Variants in CRB1 observed in about 807,000 individuals in gnomAD.
CRB1 encodes protein crumbs homolog 1.
CRB1 carries 83 observed loss-of-function variants against 120.0 expected under a neutral mutation model. That is an observed-to-expected ratio of 0.69 (90% confidence interval 0.58 to 0.83). The LOEUF (loss-of-function observed/expected upper bound fraction) is 0.83, where lower values mean the gene tolerates loss of function less well. CRB1 is among the 40% of genes least tolerant of loss of function. CRB1 has a pLI of 0.00. For synonymous variants in CRB1, 625 were observed against 612.5 expected, an observed-to-expected ratio of 1.02 and a Z score of -0.30; for missense variants, 1,699 against 1,687.6, an observed-to-expected ratio of 1.01 and a Z score of -0.12.
intron 11 of CRB1, among the ~76,000 whole-genome samples, chr1:197,470,637 T>C (rs1666941340): frequency 6.6e-6 from 1 of 152,246 alleles, no homozygotes; most frequent in Non-Finnish European, 1.5e-5. Flanking sequence ...GAGAAAAATA[T>C]GAAAGCAATG....
At chr1:197,477,420 C>T (rs1053091805) in intron 11 of CRB1, 2 of 562,898 alleles carry the variant, frequency 3.6e-6, no homozygotes, top group Admixed American at 2.4e-5. Context: ...AGAGACTGAG[C>T]AAATATAGTA....
intron 1 of CRB1, among the ~76,000 whole-genome samples, chr1:197,300,375 T>TA (rs1656794389): frequency 6.6e-6 from 1 of 152,032 alleles, no homozygotes; most frequent in South Asian, 2.1e-4. Flanking sequence ...ACACAAATGG[T>TA]AAAAAAGTGA....
the CRB1 span, among the ~76,000 whole-genome samples, chr1:197,250,450 T>C: frequency 6.6e-6 from 1 of 152,146 alleles, no homozygotes; most frequent in Admixed American, 6.6e-5. Context: ...CAACAAACTT[T>C]ACGATTAGAT....
the CRB1 span, among the ~76,000 whole-genome samples, chr1:197,221,908 T>G: frequency 6.6e-6 from 1 of 152,152 alleles, no homozygotes; most frequent in Non-Finnish European, 1.5e-5. Flanking sequence ...TATTTAACCA[T>G]TTTTTTAAAT....
chr1:197,215,658 A>T, the CRB1 span, among the ~76,000 whole-genome samples: 1 of 152,074 alleles, frequency 6.6e-6, no homozygotes, highest in African/African-American at 2.4e-5. Flanking sequence ...TGATGATTTT[A>T]TAAGGGACTT....
At chr1:197,256,285 T>C in the CRB1 span, among the ~76,000 whole-genome samples, 1 of 151,736 alleles carries the variant, frequency 6.6e-6, no homozygotes, top group South Asian at 2.1e-4. Flanking sequence ...TTTTTCTTGG[T>C]CTTGTTCTTT....
chr1:197,288,881 G>A (rs533794904), intron 1 of CRB1, among the ~76,000 whole-genome samples: 2 of 151,498 alleles, frequency 1.3e-5, no homozygotes, highest in South Asian at 2.1e-4. Context: ...TGCAAAATTG[G>A]ACTCCCTGAA....
chr1:197,396,784 TC>T (rs1374078646), intron 5 of CRB1, among the ~76,000 whole-genome samples: 1 of 152,136 alleles, frequency 6.6e-6, no homozygotes, highest in Non-Finnish European at 1.5e-5. Context: ...GAACTTCAAC[TC>T]AAATTTTATA....
At chr1:197,239,469 G>A in the CRB1 span, among the ~76,000 whole-genome samples, 3 of 151,900 alleles carry the variant, frequency 2.0e-5, no homozygotes, top group Non-Finnish European at 4.4e-5. Context: ...TTTCAGTCTG[G>A]TAATTTTCTT....
At chr1:197,384,987 G>T (rs766897685) in intron 5 of CRB1, among the ~76,000 whole-genome samples, 2 of 152,150 alleles carry the variant, frequency 1.3e-5, no homozygotes, top group Non-Finnish European at 2.9e-5. Flanking sequence ...GCACTTCAGA[G>T]GATAAGCAGA....
At chr1:197,316,467 G>C (rs1432659860) in intron 1 of CRB1, among the ~76,000 whole-genome samples, 2 of 152,302 alleles carry the variant, frequency 1.3e-5, no homozygotes, top group Admixed American at 1.3e-4. Flanking sequence ...ACAGGCGTGA[G>C]CCACCGCGCC....
At chr1:197,466,023 G>A (rs1210782573) in intron 11 of CRB1, among the ~76,000 whole-genome samples, 3 of 152,122 alleles carry the variant, frequency 2.0e-5, no homozygotes, top group Admixed American at 1.3e-4. Flanking sequence ...ATGAGGGGAA[G>A]CCAATTTGAG....
At chr1:197,405,162 C>G (rs568050329) in intron 5 of CRB1, among the ~76,000 whole-genome samples, 8 of 152,218 alleles carry the variant, frequency 5.3e-5, no homozygotes, top group Admixed American at 1.3e-4. Flanking sequence ...TCTCGGCTCA[C>G]TGCAACCTCC....
At chr1:197,354,856 G>A (rs56270761) in intron 4 of CRB1, among the ~76,000 whole-genome samples, 4 of 8,984 alleles carry the variant, frequency 4.5e-4, no homozygotes, top group Non-Finnish European at 8.1e-4. Context: ...CCCCCCCCCC[G>A]CCCACCCACC....
the CRB1 span, among the ~76,000 whole-genome samples, chr1:197,215,497 G>T: frequency 6.6e-6 from 1 of 152,028 alleles, no homozygotes; most frequent in Non-Finnish European, 1.5e-5. Flanking sequence ...GGCTGGTCTC[G>T]AACTCCCAAC....
the CRB1 span, among the ~76,000 whole-genome samples, chr1:197,204,400 T>C: frequency 6.6e-6 from 1 of 152,264 alleles, no homozygotes; most frequent in Non-Finnish European, 1.5e-5. Flanking sequence ...CCACCAGTAG[T>C]GTAAAAGTGT....
chr1:197,412,863 A>G (rs1262947984), intron 5 of CRB1, among the ~76,000 whole-genome samples: 1 of 152,254 alleles, frequency 6.6e-6, no homozygotes, highest in African/African-American at 2.4e-5. Context: ...TGTCTCTTGC[A>G]TCACACGTTT....
At chr1:197,303,984 T>C (rs1481203451) in intron 1 of CRB1, among the ~76,000 whole-genome samples, 46 of 152,038 alleles carry the variant, frequency 3.0e-4, no homozygotes, top group Admixed American at 3.0e-3. Flanking sequence ...AGAGACGCCA[T>C]CTCTTAAAAA....
At chr1:197,323,073 A>G (rs1658295834) in intron 1 of CRB1, among the ~76,000 whole-genome samples, 1 of 152,212 alleles carries the variant, frequency 6.6e-6, no homozygotes, top group South Asian at 2.1e-4. Context: ...AATTTTTATA[A>G]TATCAAAAAT....
Sources: gnomAD v4.1 joint callset for allele counts (sites outside exome capture counted in the v4.1 genomes callset) on GRCh38, gnomAD v4.1.1 for gene constraint, MANE v1.5 for transcripts, NCBI Gene and HGNC (gene_info 2026-07-23, HGNC 2026-07-21) for gene names.